Variants in MARCHF8 observed in about 807,000 individuals in gnomAD.
MARCHF8 encodes the protein E3 ubiquitin-protein ligase MARCHF8.
MARCHF8 carries 40 observed loss-of-function variants against 51.6 expected under a neutral mutation model. That is an observed-to-expected ratio of 0.77 (90% CI 0.60 to 1.01). MARCHF8 has a LOEUF of 1.01. MARCHF8 is among the 50% of genes least tolerant of loss of function. The pLI is 0.00. For synonymous variants in MARCHF8, 263 were observed against 280.3 expected, an observed-to-expected ratio of 0.94 and a Z score of 0.62; for missense variants, 685 against 708.6, an observed-to-expected ratio of 0.97 and a Z score of 0.38.
At chr10:45,533,392 A>G in intron 1 of MARCHF8, 103 bp from the exon 2 acceptor site, 2 of 634,948 alleles carry the variant, frequency 3.1e-6, no homozygotes, top group Non-Finnish European at 4.5e-6. Flanking sequence ...GTATATTTAA[A>G]TAAGTTACGG....
chr10:45,562,946 G>GT (rs34933187), intron 1 of MARCHF8, among the ~76,000 whole-genome samples: 8,462 of 145,850 alleles, frequency 0.058, 277 homozygotes, highest in Non-Finnish European at 0.068. Flanking sequence ...TTATATGTGG[G>GT]TTTTTTTTTT....
At chr10:45,556,837 T>A (rs986529454) in intron 1 of MARCHF8, among the ~76,000 whole-genome samples, 1 of 152,142 alleles carries the variant, frequency 6.6e-6, no homozygotes, top group Non-Finnish European at 1.5e-5. Context: ...GTGATCCAAC[T>A]TGTAGTAAAG....
At chr10:45,586,140 C>T (rs71496622) in intron 1 of MARCHF8, among the ~76,000 whole-genome samples, 9,405 of 152,122 alleles carry the variant, frequency 0.062, 333 homozygotes, top group Non-Finnish European at 0.067. Context: ...AAAGTGTATA[C>T]GTAGTATAAC....
intron 1 of MARCHF8, among the ~76,000 whole-genome samples, chr10:45,568,657 T>C (rs1190505118): frequency 6.8e-6 from 1 of 146,612 alleles, no homozygotes; most frequent in Non-Finnish European, 1.5e-5. Flanking sequence ...AGGCGGAGGT[T>C]GCAGTGAGTT....
intron 1 of MARCHF8, among the ~76,000 whole-genome samples, chr10:45,564,102 A>C (rs2044339198): frequency 6.6e-6 from 1 of 152,056 alleles, no homozygotes; most frequent in Admixed American, 6.5e-5. Context: ...ATGGTGAAAC[A>C]CTGTCTCTAC....
chr10:45,502,631 C>G (rs1162990068), intron 2 of MARCHF8, among the ~76,000 whole-genome samples: 2 of 152,088 alleles, frequency 1.3e-5, no homozygotes, highest in Non-Finnish European at 2.9e-5. Flanking sequence ...GGCCAGTAGT[C>G]AGAAGTAACA....
intron 1 of MARCHF8, among the ~76,000 whole-genome samples, chr10:45,564,985 T>TAAAAAAAAAAAAAAAAAAAAAAACAAAAA (rs60290162): frequency 1.0e-5 from 1 of 98,702 alleles, no homozygotes; most frequent in Non-Finnish European, 2.0e-5. Context: ...TAGGATCCAC[T>TAAAAAAAAAAAAAAAAAAAAAAACAAAAA]AAAAAAAAAA....
In MARCHF8 at chr10:45,572,669, C is replaced by T. The variant is rs1336336826; in HGVS notation, c.-79+21566G>A. 1.6e-4 allele frequency among the ~76,000 whole-genome samples: 24 copies of T among 152,026 alleles called. 1 individual carries two copies. Among genetic ancestry groups the T allele is most frequent in the Admixed American group, 1.6e-3 (24 of 15,260 alleles). ...CTCTGTTCCCCAATGCAACTCGTCC[C>T]AAATCTTCCTTCTTTCCCTCCCGCC... On this transcript the variant is annotated intron_variant, in intron 1 of 6. Transcript: ENST00000319836.
At chr10:45,561,176 A>G (rs995576460) in intron 1 of MARCHF8, among the ~76,000 whole-genome samples, 7 of 152,188 alleles carry the variant, frequency 4.6e-5, no homozygotes, top group Non-Finnish European at 1.0e-4. Flanking sequence ...AAAAATTACT[A>G]TATACATAGA....
intron 1 of MARCHF8, among the ~76,000 whole-genome samples, chr10:45,534,689 T>C (rs1218674355): frequency 6.6e-6 from 1 of 152,092 alleles, no homozygotes; most frequent in Non-Finnish European, 1.5e-5. Context: ...AACCATGTGC[T>C]GGGGTAGGGG....
intron 1 of MARCHF8, among the ~76,000 whole-genome samples, chr10:45,547,918 T>C (rs1239316354): frequency 6.6e-6 from 1 of 152,226 alleles, no homozygotes; most frequent in Non-Finnish European, 1.5e-5. Context: ...ACCCCTCAAA[T>C]AGTTAGGTCG....
intron 2 of MARCHF8, among the ~76,000 whole-genome samples, chr10:45,519,147 T>C (rs2043667049): frequency 6.6e-6 from 1 of 152,220 alleles, no homozygotes; most frequent in Non-Finnish European, 1.5e-5. Flanking sequence ...GTGCCATTCG[T>C]AAAGGATTGA....
intron 1 of MARCHF8, among the ~76,000 whole-genome samples, chr10:45,577,478 C>G (rs1205102052): frequency 6.6e-6 from 1 of 151,952 alleles, no homozygotes; most frequent in African/African-American, 2.4e-5. Context: ...TCTCATGCAC[C>G]TCACAAATAT....
chr10:45,564,525 A>G (rs1238271498), intron 1 of MARCHF8, among the ~76,000 whole-genome samples: 1 of 152,218 alleles, frequency 6.6e-6, no homozygotes, highest in Non-Finnish European at 1.5e-5. Flanking sequence ...ATAATCAGAA[A>G]TGCAGGTGGA....
intron 2 of MARCHF8, among the ~76,000 whole-genome samples, chr10:45,493,969 G>T (rs1432254577): frequency 6.6e-6 from 1 of 152,132 alleles, no homozygotes; most frequent in Non-Finnish European, 1.5e-5. Context: ...GTTTTAAAAA[G>T]CAAATCATGA....
chr10:45,584,151 ATAT>A (rs1311072857), intron 1 of MARCHF8, among the ~76,000 whole-genome samples: 1 of 136,168 alleles, frequency 7.3e-6, no homozygotes. Flanking sequence ...ATATATATAT[ATAT>A]ATATATATAT....
intron 2 of MARCHF8, among the ~76,000 whole-genome samples, chr10:45,504,505 G>C (rs2043343997): frequency 6.6e-6 from 1 of 152,144 alleles, no homozygotes; most frequent in African/African-American, 2.4e-5. Context: ...TATACACCTT[G>C]TTTTTTCTCC....
intron 1 of MARCHF8, among the ~76,000 whole-genome samples, chr10:45,560,221 T>C (rs537658682): frequency 6.6e-6 from 1 of 152,302 alleles, no homozygotes; most frequent in South Asian, 2.1e-4. Context: ...CTTCTGGCTG[T>C]AGGAGATCCA....
chr10:45,558,759 C>T (rs562283195), intron 1 of MARCHF8, among the ~76,000 whole-genome samples: 10 of 152,092 alleles, frequency 6.6e-5, no homozygotes, highest in Non-Finnish European at 5.9e-5. Flanking sequence ...ACAGTGAGAC[C>T]GGAGAGCATG....
Sources: gnomAD v4.1 joint callset for allele counts (sites outside exome capture counted in the v4.1 genomes callset) on GRCh38, gnomAD v4.1.1 for gene constraint, MANE v1.5 for transcripts, NCBI Gene and HGNC (gene_info 2026-07-23, HGNC 2026-07-21) for gene names.